Variants in ADAM22 observed in about 807,000 individuals in gnomAD.
The protein encoded by ADAM22 is disintegrin and metalloproteinase domain-containing protein 22.
In ADAM22, 65 loss-of-function variants were observed where a neutral mutation model predicts 144.6. The observed-to-expected ratio is 0.45, with a 90% CI of 0.37 to 0.55. ADAM22 has a LOEUF of 0.55. ADAM22 is among the 20% of genes least tolerant of loss of function. The pLI is 0.00. For synonymous variants in ADAM22, 391 were observed against 412.6 expected (o/e 0.95, Z 0.63); for missense variants, 974 against 1,184.9 (o/e 0.82, Z 2.61).
At chr7:88,077,342 A>G (rs992313402) in intron 4 of ADAM22, among the ~76,000 whole-genome samples, 2 of 152,200 alleles carry the variant, frequency 1.3e-5, no homozygotes, top group Non-Finnish European at 2.9e-5. Flanking sequence ...TTTGAAGTGA[A>G]AAGAATGCTA....
chr7:88,083,587 TTG>T (rs35145003), intron 4 of ADAM22, among the ~76,000 whole-genome samples: 24,196 of 126,526 alleles, frequency 0.19, 1,722 homozygotes, highest in East Asian at 0.3. Context: ...TACTTTGTGT[TTG>T]TGTGTGTGTG....
In ADAM22 at chr7:88,199,270, G is replaced by A. The variant is rs886727709; in HGVS notation, c.*2779G>A. 1 of 152,204 alleles carries A rather than the reference G, an allele frequency of 6.6e-6. No individual in the cohort carries two copies. The highest frequency in any genetic ancestry group is 1.5e-5 in the Non-Finnish European group (1 of 68,038). The allele number at this position is 152,204 out of a possible 1,614,324, so 9.4% of individuals were successfully genotyped here. A position where few individuals can be genotyped will look rare whatever the true frequency, so the allele number is the denominator to read the frequency against. On this transcript the variant is annotated 3_prime_UTR_variant, in exon 32 of 32. Coordinates refer to ENST00000413139, the MANE Select transcript of ADAM22 (RefSeq NM_001324418.2). ...ACTACAAAATCATTGCTAAGCAGAAGAGAGCAGTTATTTGGCCTTTATGTT... is the reference window on the plus strand; with the variant it reads ...ACTACAAAATCATTGCTAAGCAGAAAAGAGCAGTTATTTGGCCTTTATGTT...
At chr7:88,083,289 G>A (rs899899792) in intron 4 of ADAM22, among the ~76,000 whole-genome samples, 48 of 152,032 alleles carry the variant, frequency 3.2e-4, no homozygotes, top group African/African-American at 1.1e-3. Context: ...ATTGAACAGT[G>A]AGAACACATG....
At chr7:87,999,385 C>T (rs989562338) in intron 3 of ADAM22, among the ~76,000 whole-genome samples, 3 of 147,960 alleles carry the variant, frequency 2.0e-5, no homozygotes, top group African/African-American at 7.5e-5. Context: ...GTGTTATTTT[C>T]CCCATTTTAC....
At chr7:87,976,224 A>G (rs546805942) in intron 2 of ADAM22, among the ~76,000 whole-genome samples, 1 of 152,282 alleles carries the variant, frequency 6.6e-6, no homozygotes, top group East Asian at 1.9e-4. Flanking sequence ...GAGGGGTGCT[A>G]TGCACTGAAT....
intron 22 of ADAM22, among the ~76,000 whole-genome samples, chr7:88,160,974 G>T (rs903445108): frequency 7.9e-5 from 12 of 152,032 alleles, no homozygotes; most frequent in Non-Finnish European, 1.2e-4. Flanking sequence ...TGGGGCAGGG[G>T]GAAGGGGGAG....
Position 88,076,555 on chromosome 7 carries a change from T to C in ADAM22, c.390+863T>C, listed in dbSNP as rs140446819. On this transcript the variant is annotated intron_variant, in intron 4 of 31. Coordinates refer to ENST00000413139, the MANE Select transcript of ADAM22 (RefSeq NM_001324418.2). Reference sequence around the variant, plus strand: ...ACACCTCCACCAGTAAAATGTAAAATTGTTAGATCTACAGGAGATCAAGGA... The same window carrying C: ...ACACCTCCACCAGTAAAATGTAAAACTGTTAGATCTACAGGAGATCAAGGA... Among the ~76,000 whole-genome samples, 118 of 140,704 alleles carry C rather than the reference T, an allele frequency of 8.4e-4. No individual in the cohort carries two copies. In the East Asian group the frequency reaches 0.026, roughly 31 times the overall value. 92.3% of individuals were successfully genotyped at this position (140,704 alleles called of 152,430 possible).
chr7:88,153,464 C>A, intron 21 of ADAM22, 138 bp downstream of exon 21: 1 of 646,400 alleles, frequency 1.5e-6, no homozygotes, highest in South Asian at 2.1e-5. Context: ...TCCCAGTGTT[C>A]CAGCATCACC....
intron 3 of ADAM22, among the ~76,000 whole-genome samples, chr7:87,997,291 A>G (rs900894788): frequency 2.6e-5 from 4 of 152,254 alleles, no homozygotes; most frequent in Admixed American, 2.6e-4. Context: ...AACATTTTGT[A>G]AACTTGGAGC....
chr7:88,118,289 C>T (rs572216421), intron 7 of ADAM22, among the ~76,000 whole-genome samples: 2 of 152,274 alleles, frequency 1.3e-5, no homozygotes, highest in African/African-American at 2.4e-5. Context: ...GTTTGTAACT[C>T]CTTGTCCTCC....
intron 2 of ADAM22, among the ~76,000 whole-genome samples, chr7:87,965,797 C>G (rs913307331): frequency 1.3e-5 from 2 of 152,176 alleles, no homozygotes. Flanking sequence ...ATGGCTTACT[C>G]CTGAAGTTGC....
At chr7:88,007,050 A>G (rs953266641) in intron 3 of ADAM22, among the ~76,000 whole-genome samples, 1 of 152,242 alleles carries the variant, frequency 6.6e-6, no homozygotes, top group African/African-American at 2.4e-5. Flanking sequence ...CAACTTCAGC[A>G]AAGTCTCAGT....
At chr7:87,967,157 T>C (rs975138902) in intron 2 of ADAM22, among the ~76,000 whole-genome samples, 3 of 152,192 alleles carry the variant, frequency 2.0e-5, no homozygotes, top group Admixed American at 6.5e-5. Flanking sequence ...CCCTGTGAAC[T>C]GAGTCAATTA....
At chr7:88,112,366 A>G (rs1389173029) in intron 5 of ADAM22, among the ~76,000 whole-genome samples, 1 of 152,232 alleles carries the variant, frequency 6.6e-6, no homozygotes, top group Non-Finnish European at 1.5e-5. Flanking sequence ...GGAGGCCATT[A>G]TAATTATAGC....
rs1247505387 is a variant in ADAM22 at position 88,201,963 on chromosome 7, A to G, written c.*5472A>G. On this transcript the variant is annotated 3_prime_UTR_variant, in exon 32 of 32. Transcript: ENST00000413139. The stretch of plus-strand genomic sequence containing the variant: ...AGGCTGTGATTTGTGTTGGATGGCT[A>G]AGCTCTAAAATAATGCAAATAGCCC... The G allele has an allele frequency of 2.0e-5, 3 of 152,198 alleles. No homozygotes were observed. The highest frequency in any genetic ancestry group is 2.9e-5 in the Non-Finnish European group (2 of 68,044). The allele number at this position is 152,198 out of a possible 1,614,324, so 9.4% of individuals were successfully genotyped here.
chr7:88,039,063 A>G lies in ADAM22; in HGVS notation c.324-36563A>G, dbSNP rs376358485. Among the ~76,000 whole-genome samples, 434 of 152,132 alleles carry G rather than the reference A, an allele frequency of 2.9e-3. 7 individuals are homozygous for G. The highest frequency in any genetic ancestry group is 1.7e-3 in the Non-Finnish European group (117 of 67,984). On this transcript the variant is annotated intron_variant, in intron 3 of 31. Transcript: ENST00000413139. ...CATAATACATTTCTTAACCCAACTG[A>G]AGAGCTCCAGATTTTTCCAAGACTA...
In ADAM22 at chr7:88,148,994, T is replaced by C; in HGVS notation, c.1503T>C (p.Thr501=). Residue 501 remains threonine (T), a synonymous_variant, in exon 18 of 32, where the codon ACT becomes ACC. Transcript: ENST00000413139. ...CATTTTAGTTTCAGCCTATGGGCAC[T>C]GTGTGCCGAGAAGCAGTAAATGATT... is the stretch of plus-strand genomic sequence containing the variant. ...CKKCKFQPMG[T]VCREAVNDCD... 1 of 1,611,936 alleles carries C rather than the reference T, an allele frequency of 6.2e-7. No individual in the cohort carries two copies. Among genetic ancestry groups the C allele is most frequent in the East Asian group, 2.2e-5 (1 of 44,812 alleles).
chr7:88,114,727 C>A, intron 6 of ADAM22, 80 bp downstream of exon 6: 1 of 1,306,414 alleles, frequency 7.7e-7, no homozygotes, highest in Non-Finnish European at 1.1e-6. Context: ...TTTATCTCTA[C>A]TTTATTTCAT....
intron 3 of ADAM22, among the ~76,000 whole-genome samples, chr7:88,051,281 G>C (rs575243230): frequency 6.6e-6 from 1 of 152,170 alleles, no homozygotes; most frequent in African/African-American, 2.4e-5. Context: ...ATTCACAATA[G>C]CAAAGACTTG....
Sources: gnomAD v4.1 joint callset for allele counts (sites outside exome capture counted in the v4.1 genomes callset) on GRCh38, gnomAD v4.1.1 for gene constraint, MANE v1.5 for transcripts, NCBI Gene and HGNC (gene_info 2026-07-23, HGNC 2026-07-21) for gene names.